Variants in HMCN1 observed in about 807,000 individuals in gnomAD.
HMCN1 encodes hemicentin 1, also known as hemicentin-1.
Under a neutral mutation model 625.9 loss-of-function variants are expected in HMCN1, and 321 were observed. The ratio of observed to expected loss-of-function variants is 0.51; its 90% CI spans 0.47 to 0.56. The LOEUF (loss-of-function observed/expected upper bound fraction) is 0.56, where lower values mean the gene tolerates loss of function less well. Among genes scored for constraint, HMCN1 ranks in the 20% least tolerant of loss-of-function variants. The pLI is 0.00. For missense variants in HMCN1, 6,588 were observed against 6,887.3 expected (o/e 0.96, Z 1.54); for synonymous variants, 2,425 against 2,417.6 (o/e 1.00, Z -0.09).
chr1:186,055,729 C>A, intron 45 of HMCN1, 55 bp downstream of exon 45: 1 of 1,548,698 alleles, frequency 6.5e-7, no homozygotes, highest in South Asian at 1.1e-5. Flanking sequence ...ATCTAGCATC[C>A]TGGATGGGAG....
chr1:185,873,387 T>C (rs1663745297), intron 4 of HMCN1, among the ~76,000 whole-genome samples: 1 of 152,070 alleles, frequency 6.6e-6, no homozygotes, highest in Non-Finnish European at 1.5e-5. Context: ...AAACTAAAGA[T>C]TTGAATTGAG....
rs149773199 is a variant in HMCN1, at chr1:186,144,269, C to T, written c.14021C>T (p.Pro4674Leu). Reference sequence around the variant, plus strand: ...AGAGCAAGACTTTGTAATAACCCACCACCAGCGTTTGGTGGGTCCTACTGT... The same window carrying T: ...AGAGCAAGACTTTGTAATAACCCACTACCAGCGTTTGGTGGGTCCTACTGT... ...QTRARLCNNP[P>L]PAFGGSYCDG... is the part of the protein sequence containing the mutation. Residue 4674 changes from proline (P) to leucine (L), a missense_variant, in exon 90 of 107, where the codon CCA becomes CTA. This residue lies in a region of HMCN1 where 1,954 missense variants were observed against 2,013.1 expected (regional missense o/e 0.97). Transcript: ENST00000271588. 91 of 1,614,034 alleles carry T rather than the reference C, an allele frequency of 5.6e-5. No homozygotes were observed. In the African/African-American group the frequency reaches 1.2e-3, roughly 21 times the overall value.
At chr1:185,811,862 AT>A (rs1659540645) in intron 1 of HMCN1, among the ~76,000 whole-genome samples, 1 of 152,108 alleles carries the variant, frequency 6.6e-6, no homozygotes, top group African/African-American at 2.4e-5. Context: ...ATTTTTGCAC[AT>A]TTTTCTTTTT....
At chr1:186,115,466 A>G in intron 75 of HMCN1, 52 bp downstream of exon 75, 1 of 1,515,772 alleles carries the variant, frequency 6.6e-7, no homozygotes, top group Non-Finnish European at 9.1e-7. Context: ...TTTGTAATGA[A>G]TCAACATTTT....
chr1:185,971,571 C>A (rs1650836473), intron 15 of HMCN1, among the ~76,000 whole-genome samples: 1 of 152,124 alleles, frequency 6.6e-6, no homozygotes, highest in Non-Finnish European at 1.5e-5. Flanking sequence ...TGATGATATT[C>A]ATGCCAGACT....
At chr1:186,066,545 A>G (rs887251036) in intron 49 of HMCN1, among the ~76,000 whole-genome samples, 1 of 152,098 alleles carries the variant, frequency 6.6e-6, no homozygotes, top group African/African-American at 2.4e-5. Flanking sequence ...TTCACCGTCT[A>G]CTGTCTCCAC....
chr1:185,775,989 A>T (rs1172224674), intron 1 of HMCN1, among the ~76,000 whole-genome samples: 1 of 152,206 alleles, frequency 6.6e-6, no homozygotes, highest in Non-Finnish European at 1.5e-5. Flanking sequence ...CCTTTAGGTT[A>T]CATTGACTGT....
intron 103 of HMCN1, among the ~76,000 whole-genome samples, chr1:186,175,637 T>C (rs1030942501): frequency 4.5e-4 from 69 of 152,128 alleles, no homozygotes; most frequent in African/African-American, 1.6e-3. Context: ...AATAGTTGTA[T>C]TTATTCACCA....
intron 104 of HMCN1, 62 bp downstream of exon 104, chr1:186,178,828 A>T: frequency 1.8e-6 from 2 of 1,099,758 alleles, no homozygotes; most frequent in Non-Finnish European, 2.8e-6. Flanking sequence ...AAGTATGTGT[A>T]CAGCACCTGT....
At position 185,855,294 on chromosome 1, in the gene HMCN1, G is replaced by A. The variant is rs529650302; in HGVS notation, c.340-9176G>A. Among the ~76,000 whole-genome samples the A allele has an allele frequency of 2.3e-4, 35 of 152,250 alleles. 1 individual carries two copies. The highest frequency in any genetic ancestry group is 3.4e-3 in the Middle Eastern group (1 of 294). ...TTGAAGGTCACAATAAAAAGATACC[G>A]AATCCTTGAAGAGGGTAAGAAAGAA... On this transcript the variant is annotated intron_variant, in intron 2 of 106. Transcript: ENST00000271588.
At position 185,858,586 on chromosome 1, in the gene HMCN1, A is replaced by ATT. The variant is rs71101980; in HGVS notation, c.340-5838_340-5837dup. Among the ~76,000 whole-genome samples, 10 of 34,748 alleles carry ATT rather than the reference A, an allele frequency of 2.9e-4. 4 individuals are homozygous for ATT. Among genetic ancestry groups the ATT allele is most frequent in the Non-Finnish European group, 3.3e-4 (6 of 17,942 alleles). 22.8% of individuals were successfully genotyped at this position (34,748 alleles called of 152,430 possible). ...GCCTATATGCCACCACACCCAGCTA[A>ATT]TTTTTTTTTTTTTTTTTTTTTTTTT... is the stretch of plus-strand genomic sequence containing the variant. On this transcript the variant is annotated intron_variant, in intron 2 of 106. Coordinates refer to ENST00000271588, the MANE Select transcript of HMCN1 (RefSeq NM_031935.3).
chr1:185,989,078 G>C (rs1331288580), intron 20 of HMCN1, among the ~76,000 whole-genome samples: 1 of 148,200 alleles, frequency 6.7e-6, no homozygotes, highest in East Asian at 2.0e-4. Flanking sequence ...CACGATCTTG[G>C]CTCACTGCAA....
chr1:186,177,655 A>G, intron 103 of HMCN1, among the ~76,000 whole-genome samples: 1 of 150,542 alleles, frequency 6.6e-6, no homozygotes, highest in Non-Finnish European at 1.5e-5. Flanking sequence ...TAAACATAAA[A>G]GTAGTTACTT....
intron 4 of HMCN1, among the ~76,000 whole-genome samples, chr1:185,877,009 T>G (rs1244739939): frequency 3.9e-5 from 6 of 152,100 alleles, no homozygotes; most frequent in Non-Finnish European, 8.8e-5. Flanking sequence ...GAGCTTTTCC[T>G]AAGTTTGCTT....
chr1:185,986,244 C>T (rs1651991922), intron 19 of HMCN1, among the ~76,000 whole-genome samples: 4 of 152,092 alleles, frequency 2.6e-5, no homozygotes, highest in Admixed American at 2.6e-4. Flanking sequence ...TAATCTAAGC[C>T]TTCCAAGGGA....
At chr1:186,006,957 G>C (rs1653676104) in intron 29 of HMCN1, among the ~76,000 whole-genome samples, 171 bp from the exon 30 acceptor site, 1 of 152,006 alleles carries the variant, frequency 6.6e-6, no homozygotes, top group South Asian at 2.1e-4. Context: ...CCTAACTTCT[G>C]TTAGCAAAGT....
At chr1:186,172,609 A>G (rs187733587) in intron 102 of HMCN1, among the ~76,000 whole-genome samples, 368 of 152,292 alleles carry the variant, frequency 2.4e-3, no homozygotes, top group African/African-American at 8.6e-3. Flanking sequence ...GTCTACATCA[A>G]TGACCAGACA....
intron 24 of HMCN1, among the ~76,000 whole-genome samples, chr1:185,996,271 C>T (rs974651045): frequency 5.3e-4 from 80 of 152,134 alleles, no homozygotes; most frequent in African/African-American, 1.9e-3. Flanking sequence ...TGAGGGGCAG[C>T]CCTTCCAAGA....
At chr1:185,898,055 T>C (rs2102426747) in intron 4 of HMCN1, among the ~76,000 whole-genome samples, 1 of 152,282 alleles carries the variant, frequency 6.6e-6, no homozygotes, top group South Asian at 2.1e-4. Context: ...GGATCTTCTG[T>C]TTCACGCCTT....
Sources: allele counts gnomAD v4.1 joint callset (sites outside exome capture counted in the v4.1 genomes callset), GRCh38; gene constraint gnomAD v4.1.1; regional missense constraint gnomAD v4.1.1; transcripts MANE v1.5; gene names NCBI Gene and HGNC (gene_info 2026-07-23, HGNC 2026-07-21).